The following ANKS1B variants were observed in gnomAD, a reference collection of about 807,000 sequenced individuals.
The protein encoded by ANKS1B is ankyrin repeat and sterile alpha motif domain containing 1B, also known as ankyrin repeat and sterile alpha motif domain-containing protein 1B.
Under a neutral mutation model 148.3 loss-of-function variants are expected in ANKS1B, and 36 were observed. That is an observed-to-expected ratio of 0.24 (90% CI 0.19 to 0.32). The LOEUF (loss-of-function observed/expected upper bound fraction) is 0.32, where lower values mean the gene tolerates loss of function less well. ANKS1B is among the 10% of genes least tolerant of loss of function. The pLI is 1.00. For synonymous variants in ANKS1B, 542 were observed against 560.8 expected, an observed-to-expected ratio of 0.97 and a Z score of 0.47; for missense variants, 1,157 against 1,542.6, an observed-to-expected ratio of 0.75 and a Z score of 4.19.
intron 8 of ANKS1B, among the ~76,000 whole-genome samples, chr12:99,762,511 A>C (rs1033236766): frequency 4.6e-5 from 7 of 152,116 alleles, no homozygotes; most frequent in African/African-American, 1.7e-4. Flanking sequence ...CTTACCTTTC[A>C]TCATACACAA....
chr12:98,833,614 T>C (rs947766049), intron 17 of ANKS1B, among the ~76,000 whole-genome samples: 1 of 152,062 alleles, frequency 6.6e-6, no homozygotes, highest in African/African-American at 2.4e-5. Context: ...TTAATTTAGA[T>C]GTAGGTGGTA....
At chr12:99,363,877 T>C (rs1052811912) in intron 12 of ANKS1B, among the ~76,000 whole-genome samples, 1 of 152,094 alleles carries the variant, frequency 6.6e-6, no homozygotes, top group Non-Finnish European at 1.5e-5. Context: ...ATATATTCAT[T>C]TGAGACCACC....
intron 12 of ANKS1B, among the ~76,000 whole-genome samples, chr12:99,313,776 T>C (rs1048916127): frequency 2.6e-5 from 4 of 152,100 alleles, no homozygotes; most frequent in Non-Finnish European, 4.4e-5. Flanking sequence ...CTCAAAATAA[T>C]AAGAGCTATT....
At chr12:98,810,280 A>G (rs2099084390) in intron 19 of ANKS1B, among the ~76,000 whole-genome samples, 2 of 152,248 alleles carry the variant, frequency 1.3e-5, no homozygotes, top group Non-Finnish European at 2.9e-5. Flanking sequence ...CTTCTGACGA[A>G]CAGGGCTAAC....
At chr12:99,257,257 T>A (rs1247022725) in intron 12 of ANKS1B, among the ~76,000 whole-genome samples, 3 of 151,202 alleles carry the variant, frequency 2.0e-5, no homozygotes, top group Non-Finnish European at 4.4e-5. Flanking sequence ...AAAAAAAAAA[T>A]TATTTCATCC....
At chr12:99,545,660 C>T (rs2097165898) in intron 9 of ANKS1B, among the ~76,000 whole-genome samples, 1 of 151,530 alleles carries the variant, frequency 6.6e-6, no homozygotes, top group Admixed American at 6.6e-5. Context: ...TAACGGAAGC[C>T]CTTCCATTTC....
At chr12:99,720,636 A>G (rs985770173) in intron 8 of ANKS1B, among the ~76,000 whole-genome samples, 1 of 152,204 alleles carries the variant, frequency 6.6e-6, no homozygotes, top group Non-Finnish European at 1.5e-5. Flanking sequence ...TTTTCTCAGA[A>G]TTCAGGCCTA....
intron 9 of ANKS1B, among the ~76,000 whole-genome samples, chr12:99,568,778 G>A (rs1041160960): frequency 6.6e-6 from 1 of 152,154 alleles, no homozygotes; most frequent in African/African-American, 2.4e-5. Context: ...TGTCAAATAA[G>A]TAAAAGTAGG....
At chr12:99,196,926 T>A (rs1468251356) in intron 14 of ANKS1B, among the ~76,000 whole-genome samples, 1 of 152,102 alleles carries the variant, frequency 6.6e-6, no homozygotes, top group Non-Finnish European at 1.5e-5. Flanking sequence ...TTCCTCTCAG[T>A]GACAGGGATG....
chr12:99,175,824 T>C (rs2078314194), intron 14 of ANKS1B, among the ~76,000 whole-genome samples: 1 of 152,102 alleles, frequency 6.6e-6, no homozygotes, highest in Non-Finnish European at 1.5e-5. Context: ...GTACACTGTG[T>C]TTTATTTTTT....
chr12:99,737,238 G>A (rs1283781857), intron 8 of ANKS1B, among the ~76,000 whole-genome samples: 1 of 151,974 alleles, frequency 6.6e-6, no homozygotes, highest in African/African-American at 2.4e-5. Flanking sequence ...CTGCACCTTC[G>A]TGTTTATTAC....
At chr12:99,842,255 T>A (rs945434552) in intron 1 of ANKS1B, among the ~76,000 whole-genome samples, 1 of 152,164 alleles carries the variant, frequency 6.6e-6, no homozygotes, top group Non-Finnish European at 1.5e-5. Context: ...CTTAGAATCA[T>A]TATATGTCTT....
At chr12:99,464,160 C>T (rs911411310) in intron 10 of ANKS1B, among the ~76,000 whole-genome samples, 7 of 152,228 alleles carry the variant, frequency 4.6e-5, no homozygotes, top group Non-Finnish European at 8.8e-5. Flanking sequence ...GCAGTCACTG[C>T]TGCTGATACC....
chr12:99,420,271 G>T (rs1732954901), intron 11 of ANKS1B, among the ~76,000 whole-genome samples: 1 of 152,120 alleles, frequency 6.6e-6, no homozygotes, highest in African/African-American at 2.4e-5. Flanking sequence ...CTTAATGATA[G>T]TTTAAAAGAA....
intron 17 of ANKS1B, among the ~76,000 whole-genome samples, chr12:98,990,996 G>A (rs960845858): frequency 1.3e-5 from 2 of 152,204 alleles, no homozygotes; most frequent in East Asian, 1.9e-4. Flanking sequence ...TGATAGAGGA[G>A]CAATTCAAAA....
intron 12 of ANKS1B, among the ~76,000 whole-genome samples, chr12:99,350,717 C>T (rs1267390835): frequency 6.6e-6 from 1 of 152,060 alleles, no homozygotes; most frequent in Non-Finnish European, 1.5e-5. Context: ...CTTGTTTTAA[C>T]ATCAACTGAT....
At chr12:98,973,213 C>CA (rs534303391) in intron 17 of ANKS1B, among the ~76,000 whole-genome samples, 2,015 of 102,996 alleles carry the variant, frequency 0.02, 22 homozygotes, top group East Asian at 0.057. Flanking sequence ...AAACGAAATG[C>CA]AAAAAAAAAA....
At chr12:98,781,621 T>C (rs2098737402) in intron 23 of ANKS1B, 2 of 362,892 alleles carry the variant, frequency 5.5e-6, no homozygotes, top group South Asian at 4.3e-5. Context: ...TAACAAAATA[T>C]ATGCACCCCC....
intron 1 of ANKS1B, among the ~76,000 whole-genome samples, chr12:99,871,002 C>T (rs568417413): frequency 1.3e-5 from 2 of 152,192 alleles, no homozygotes; most frequent in South Asian, 4.1e-4. Context: ...TTTCCCAAGG[C>T]CAATGTCCAA....
Sources: gnomAD v4.1 joint callset for allele counts (sites outside exome capture counted in the v4.1 genomes callset) on GRCh38, gnomAD v4.1.1 for gene constraint, MANE v1.5 for transcripts, NCBI Gene and HGNC (gene_info 2026-07-23, HGNC 2026-07-21) for gene names.